The following PTPRM variants were observed in gnomAD, a reference collection of about 807,000 sequenced individuals.
PTPRM encodes the protein receptor-type tyrosine-protein phosphatase mu.
PTPRM carries 47 observed loss-of-function variants against 186.7 expected under a neutral mutation model. The observed-to-expected ratio is 0.25, with a 90% CI of 0.20 to 0.32. PTPRM has a LOEUF of 0.32. PTPRM is among the 10% of genes least tolerant of loss of function. The probability of loss-of-function intolerance (pLI) is 1.00; values close to 1 mark genes in which losing one functional copy is unlikely to be tolerated. For missense variants in PTPRM, 1,494 were observed against 1,865.0 expected, an observed-to-expected ratio of 0.80 and a Z score of 3.66; for synonymous variants, 668 against 674.9, an observed-to-expected ratio of 0.99 and a Z score of 0.16.
chr18:8,335,482 A>G lies in PTPRM; in HGVS notation c.2957-7941A>G, dbSNP rs1438095587. ...CCTGCTCTAAACATTTGAGTTTGAT[A>G]TCGAAAACTTTCATCACATGTTTAT... On this transcript the variant is annotated intron_variant, in intron 22 of 32. Coordinates refer to ENST00000580170, the MANE Select transcript of PTPRM (RefSeq NM_001105244.2). 2.0e-5 allele frequency among the ~76,000 whole-genome samples: 3 copies of G among 152,228 alleles called. No individual in the cohort carries two copies. In the East Asian group the frequency reaches 5.8e-4, roughly 29 times the overall value.
chr18:7,879,948 G>A (rs1161322469), intron 2 of PTPRM, among the ~76,000 whole-genome samples: 1 of 152,164 alleles, frequency 6.6e-6, no homozygotes, highest in Non-Finnish European at 1.5e-5. Flanking sequence ...GACTGGGAAG[G>A]ACTCAGGAAA....
intron 1 of PTPRM, among the ~76,000 whole-genome samples, chr18:7,740,359 C>T (rs2040862123): frequency 6.6e-6 from 1 of 152,166 alleles, no homozygotes; most frequent in Non-Finnish European, 1.5e-5. Flanking sequence ...AACCTGGGGG[C>T]ATAAATGCAA....
intron 10 of PTPRM, among the ~76,000 whole-genome samples, chr18:8,086,156 T>C (rs965102778): frequency 6.6e-6 from 1 of 152,140 alleles, no homozygotes; most frequent in African/African-American, 2.4e-5. Flanking sequence ...TCTCATCCCC[T>C]TGTCAATCCC....
At chr18:8,084,951 C>G (rs1355152316) in intron 9 of PTPRM, among the ~76,000 whole-genome samples, 1 of 152,132 alleles carries the variant, frequency 6.6e-6, no homozygotes, top group Non-Finnish European at 1.5e-5. Flanking sequence ...ACTTCTAGAA[C>G]TGCACTGTCT....
At chr18:8,289,432 A>ATG (rs1158347143) in intron 19 of PTPRM, among the ~76,000 whole-genome samples, 2 of 139,438 alleles carry the variant, frequency 1.4e-5, no homozygotes, top group Admixed American at 7.3e-5. Flanking sequence ...ACGTATATAT[A>ATG]TGTATATATA....
intron 2 of PTPRM, among the ~76,000 whole-genome samples, chr18:7,805,474 TA>T (rs1187838513): frequency 6.6e-6 from 1 of 152,222 alleles, no homozygotes; most frequent in African/African-American, 2.4e-5. Flanking sequence ...ACAACTGAGA[TA>T]AAAAAACTTT....
At chr18:8,028,238 G>C (rs533105701) in intron 7 of PTPRM, among the ~76,000 whole-genome samples, 1 of 152,324 alleles carries the variant, frequency 6.6e-6, no homozygotes, top group African/African-American at 2.4e-5. Flanking sequence ...CTGGCCACAA[G>C]TGATCCTCCC....
chr18:7,833,215 C>T lies in PTPRM; in HGVS notation c.197-54891C>T, dbSNP rs78244681. Among the ~76,000 whole-genome samples, 560 of 152,158 alleles carry T rather than the reference C, an allele frequency of 3.7e-3. 25 individuals carry two copies. The East Asian group carries it at 0.088, about 24-fold the overall frequency. Reference sequence around the variant, plus strand: ...CTGTAGATTACTTGGGTAGTGTGGACATTTTAACAATATTGATTCTTCTAA... The same window carrying T: ...CTGTAGATTACTTGGGTAGTGTGGATATTTTAACAATATTGATTCTTCTAA... On this transcript the variant is annotated intron_variant, in intron 2 of 32. Coordinates refer to ENST00000580170, the MANE Select transcript of PTPRM (RefSeq NM_001105244.2).
At chr18:7,688,468 T>C (rs142664783) in intron 1 of PTPRM, among the ~76,000 whole-genome samples, 396 of 152,328 alleles carry the variant, frequency 2.6e-3, no homozygotes, top group Non-Finnish European at 4.4e-3. Flanking sequence ...TCTATGAGTA[T>C]TGTTGGCCAA....
At chr18:7,645,429 G>T (rs2038538534) in intron 1 of PTPRM, among the ~76,000 whole-genome samples, 1 of 152,108 alleles carries the variant, frequency 6.6e-6, no homozygotes, top group South Asian at 2.1e-4. Flanking sequence ...AAATGGTAAA[G>T]CTTTAGTTGT....
chr18:7,723,105 G>A (rs1003116973), intron 1 of PTPRM, among the ~76,000 whole-genome samples: 13 of 152,198 alleles, frequency 8.5e-5, no homozygotes, highest in African/African-American at 2.9e-4. Flanking sequence ...AAGGGAAATA[G>A]GGGAAATGAT....
chr18:7,834,992 C>CTTTTTTTTTTT (rs57839485), intron 2 of PTPRM, among the ~76,000 whole-genome samples: 8 of 85,264 alleles, frequency 9.4e-5, no homozygotes, highest in Non-Finnish European at 1.6e-4. Flanking sequence ...TTATTTGGAT[C>CTTTTTTTTTTT]TTTTTTTTTT....
At chr18:7,965,376 A>G (rs2053965486) in intron 7 of PTPRM, among the ~76,000 whole-genome samples, 1 of 152,124 alleles carries the variant, frequency 6.6e-6, no homozygotes, top group African/African-American at 2.4e-5. Flanking sequence ...TATCCAGAGG[A>G]CTCAAAGCTT....
intron 14 of PTPRM, 23 bp downstream of exon 14, chr18:8,143,802 A>G: frequency 6.2e-7 from 1 of 1,612,402 alleles, no homozygotes. Flanking sequence ...CTGTTGCCAA[A>G]GATACAGTTA....
At chr18:7,795,922 T>G (rs1197220311) in intron 2 of PTPRM, among the ~76,000 whole-genome samples, 1 of 148,918 alleles carries the variant, frequency 6.7e-6, no homozygotes, top group East Asian at 2.1e-4. Flanking sequence ...CAAGCAATCC[T>G]CCTGTTTCAG....
At chr18:7,613,222 A>C (rs868664207) in intron 1 of PTPRM, among the ~76,000 whole-genome samples, 10 of 152,212 alleles carry the variant, frequency 6.6e-5, no homozygotes, top group Admixed American at 2.6e-4. Context: ...AGGATGTTGC[A>C]TGGAGATTTT....
intron 1 of PTPRM, among the ~76,000 whole-genome samples, chr18:7,651,506 A>T (rs965650422): frequency 6.6e-6 from 1 of 152,214 alleles, no homozygotes; most frequent in African/African-American, 2.4e-5. Flanking sequence ...AAACTATGCT[A>T]CAAGGCTACA....
chr18:7,885,961 C>T (rs897336856), intron 2 of PTPRM, among the ~76,000 whole-genome samples: 8 of 152,108 alleles, frequency 5.3e-5, no homozygotes, highest in Middle Eastern at 3.4e-3. Context: ...GTGGGCAACA[C>T]TTATTTTGCC....
At chr18:8,285,682 C>T (rs1044602953) in intron 19 of PTPRM, among the ~76,000 whole-genome samples, 4 of 152,150 alleles carry the variant, frequency 2.6e-5, no homozygotes, top group African/African-American at 9.7e-5. Flanking sequence ...TTTCTATTAT[C>T]TTTACCTGAG....
Sources: gnomAD v4.1 joint callset for allele counts (sites outside exome capture counted in the v4.1 genomes callset) on GRCh38, gnomAD v4.1.1 for gene constraint, MANE v1.5 for transcripts, NCBI Gene and HGNC (gene_info 2026-07-23, HGNC 2026-07-21) for gene names.